Variants in CHL1 observed in about 807,000 individuals in gnomAD.
CHL1 encodes neural cell adhesion molecule L1-like protein.
CHL1 carries 96 observed loss-of-function variants against 141.9 expected under a neutral mutation model. That is an observed-to-expected ratio of 0.68 (90% CI 0.57 to 0.80). CHL1 has a LOEUF of 0.80. Ranked by LOEUF, CHL1 falls within the 30% of genes least tolerant of loss-of-function variation. The probability of loss-of-function intolerance (pLI) is 0.00; values close to 1 mark genes in which losing one functional copy is unlikely to be tolerated. For synonymous variants in CHL1, 613 were observed against 502.2 expected, an observed-to-expected ratio of 1.22 and a Z score of -2.95; for missense variants, 1,820 against 1,457.2, an observed-to-expected ratio of 1.25 and a Z score of -4.05.
intron 3 of CHL1, among the ~76,000 whole-genome samples, chr3:324,088 G>C (rs555881070): frequency 2.6e-5 from 4 of 152,194 alleles, no homozygotes; most frequent in African/African-American, 9.6e-5. Context: ...ATGAACAAAT[G>C]CTCTTTGAGA....
intron 5 of CHL1, among the ~76,000 whole-genome samples, chr3:339,564 C>T (rs1022930838): frequency 2.0e-5 from 3 of 152,108 alleles, no homozygotes; most frequent in Non-Finnish European, 4.4e-5. Context: ...GTCTGCCTTC[C>T]GAAATTGCAA....
chr3:386,397 C>T (rs1410491837), intron 19 of CHL1, among the ~76,000 whole-genome samples: 1 of 152,090 alleles, frequency 6.6e-6, no homozygotes, highest in Non-Finnish European at 1.5e-5. Context: ...GTTAGCATTA[C>T]CTTCAGACAT....
chr3:268,630 G>A (rs945678127), intron 2 of CHL1, among the ~76,000 whole-genome samples: 2 of 152,096 alleles, frequency 1.3e-5, no homozygotes, highest in African/African-American at 2.4e-5. Flanking sequence ...TCCTACTTCA[G>A]TTAATACAGG....
chr3:393,032 G>A (rs532932947), intron 23 of CHL1, among the ~76,000 whole-genome samples: 38 of 152,176 alleles, frequency 2.5e-4, no homozygotes, highest in Non-Finnish European at 4.3e-4. Flanking sequence ...AGGAGATCGA[G>A]ACCATCCTGG....
rs766543950 is a variant in CHL1 at position 337,948 on chromosome 3, G to A, written c.386-2846G>A. On this transcript the variant is annotated intron_variant, in intron 5 of 27. Transcript: ENST00000256509. ...TTCTAGATCCCTGAGGAATAACACT[G>A]TCTTCCACAATGGTTGAACCAGTTT... 1.7e-3 allele frequency among the ~76,000 whole-genome samples: 252 copies of A among 152,204 alleles called. 1 individual carries two copies. The highest frequency in any genetic ancestry group is 3.1e-3 in the Non-Finnish European group (210 of 68,010).
intron 5 of CHL1, among the ~76,000 whole-genome samples, chr3:328,684 A>G (rs924665386): frequency 6.6e-6 from 1 of 152,146 alleles, no homozygotes; most frequent in African/African-American, 2.4e-5. Flanking sequence ...CAAAACCTCT[A>G]TGTAAACATA....
intron 4 of CHL1, among the ~76,000 whole-genome samples, chr3:327,942 A>G (rs1021420515): frequency 5.9e-5 from 9 of 152,012 alleles, no homozygotes; most frequent in African/African-American, 1.9e-4. Flanking sequence ...TAAAAAAGCA[A>G]AAGCTAATTT....
At chr3:347,882 G>T (rs1218135104) in intron 9 of CHL1, among the ~76,000 whole-genome samples, 1 of 152,184 alleles carries the variant, frequency 6.6e-6, no homozygotes, top group African/African-American at 2.4e-5. Context: ...ATTCCAGGCT[G>T]CACAGCACGT....
intron 5 of CHL1, among the ~76,000 whole-genome samples, chr3:340,399 GAGAT>G (rs1702261026): frequency 2.6e-5 from 4 of 152,132 alleles, no homozygotes; most frequent in Admixed American, 2.6e-4. Flanking sequence ...AATAAAGCGA[GAGAT>G]AGAGAATATG....
At chr3:376,303 A>G (rs549840044) in intron 15 of CHL1, 5 of 478,574 alleles carry the variant, frequency 1.0e-5, no homozygotes, top group Non-Finnish European at 2.1e-5. Context: ...ACTATTTGTG[A>G]TTTTGACATG....
intron 2 of CHL1, among the ~76,000 whole-genome samples, chr3:255,547 A>T (rs1390932650): frequency 6.6e-6 from 1 of 152,056 alleles, no homozygotes; most frequent in Admixed American, 6.6e-5. Context: ...GTACTGCTGT[A>T]TGTGTGGGAA....
At chr3:388,684 A>C (rs937518988) in intron 19 of CHL1, among the ~76,000 whole-genome samples, 3 of 138,420 alleles carry the variant, frequency 2.2e-5, no homozygotes, top group Admixed American at 7.5e-5. Flanking sequence ...GGAAATTATA[A>C]GAAAGAGGAG....
intron 11 of CHL1, among the ~76,000 whole-genome samples, chr3:356,546 G>A (rs1258045826): frequency 6.6e-6 from 1 of 152,174 alleles, no homozygotes; most frequent in Non-Finnish European, 1.5e-5. Context: ...GTGTGATAAA[G>A]CAGAAAATAG....
chr3:208,225 G>A (rs1039250797), intron 1 of CHL1, among the ~76,000 whole-genome samples: 1 of 152,178 alleles, frequency 6.6e-6, no homozygotes, highest in Non-Finnish European at 1.5e-5. Context: ...TGAAGATAAA[G>A]GTGCCAGCTA....
chr3:292,193 G>A (rs370534262), intron 2 of CHL1, among the ~76,000 whole-genome samples: 1 of 152,254 alleles, frequency 6.6e-6, no homozygotes, highest in South Asian at 2.1e-4. Flanking sequence ...ATATCTAAAT[G>A]GTAGACGTAT....
intron 12 of CHL1, among the ~76,000 whole-genome samples, chr3:361,202 C>T (rs1212472335): frequency 6.6e-6 from 1 of 150,566 alleles, no homozygotes; most frequent in Non-Finnish European, 1.5e-5. Context: ...CTTCCTTACA[C>T]CTTATACAAA....
chr3:289,987 T>A (rs1429356118), intron 2 of CHL1, among the ~76,000 whole-genome samples: 1 of 137,160 alleles, frequency 7.3e-6, no homozygotes, highest in Non-Finnish European at 1.5e-5. Flanking sequence ...CAGGGTGGAG[T>A]GCAGTATACT....
At chr3:257,592 A>T (rs968189757) in intron 2 of CHL1, among the ~76,000 whole-genome samples, 1 of 152,184 alleles carries the variant, frequency 6.6e-6, no homozygotes, top group Non-Finnish European at 1.5e-5. Flanking sequence ...ACCTCAGGTG[A>T]TCTACTGCCT....
intron 15 of CHL1, among the ~76,000 whole-genome samples, chr3:370,854 T>C (rs1455624095): frequency 6.6e-6 from 1 of 152,218 alleles, no homozygotes; most frequent in Non-Finnish European, 1.5e-5. Flanking sequence ...CTTAATTTCA[T>C]TATTTACCTA....
Sources: gnomAD v4.1 joint callset for allele counts (sites outside exome capture counted in the v4.1 genomes callset) on GRCh38, gnomAD v4.1.1 for gene constraint, MANE v1.5 for transcripts, NCBI Gene and HGNC (gene_info 2026-07-23, HGNC 2026-07-21) for gene names.